The following FANCM variants were observed in gnomAD, a reference collection of about 807,000 sequenced individuals.
The protein encoded by FANCM is Fanconi anemia group M protein.
Under a neutral mutation model 199.5 loss-of-function variants are expected in FANCM, and 140 were observed. The observed-to-expected ratio is 0.70, with a 90% CI of 0.61 to 0.81. FANCM has a LOEUF of 0.81. Among genes scored for constraint, FANCM ranks in the 30% least tolerant of loss-of-function variants. The probability of loss-of-function intolerance (pLI) is 0.00; values close to 1 mark genes in which losing one functional copy is unlikely to be tolerated. For missense variants in FANCM, 2,410 were observed against 2,421.4 expected, an observed-to-expected ratio of 1.00 and a Z score of 0.10; for synonymous variants, 840 against 836.8, an observed-to-expected ratio of 1.00 and a Z score of -0.07.
intron 20 of FANCM, chr14:45,195,529 A>G: frequency 2.2e-6 from 1 of 456,642 alleles, no homozygotes; most frequent in Non-Finnish European, 4.4e-6. Context: ...TGCCTCTGCA[A>G]AAAGAGGAGC....
intron 20 of FANCM, among the ~76,000 whole-genome samples, chr14:45,192,795 C>T (rs1889845586): frequency 6.6e-6 from 1 of 151,766 alleles, no homozygotes; most frequent in Non-Finnish European, 1.5e-5. Context: ...TGCCACTGCA[C>T]TTCAGCCTGG....
Position 45,136,528 on chromosome 14 carries a change from C to A in FANCM, c.497C>A (p.Ala166Asp), listed in dbSNP as rs555879731. 1.2e-5 allele frequency: 19 copies of A among 1,613,704 alleles called. No homozygotes were observed. The highest frequency in any genetic ancestry group is 1.6e-5 in the Non-Finnish European group (19 of 1,179,988). Residue 166 changes from alanine to aspartate, a missense_variant, in exon 1 of 23, where the codon GCC (alanine) becomes GAC (aspartate). Transcript: ENST00000267430. ...QVMGIPQSHMAEMTGSTQAST... is the reference protein window; with the variant it reads ...QVMGIPQSHMDEMTGSTQAST... ...ATGGGTATCCCGCAATCCCACATGG[C>A]CGAAATGACAGGTATCTTAGACTGG...
intron 3 of FANCM, among the ~76,000 whole-genome samples, chr14:45,148,063 G>A (rs568093022): frequency 6.6e-6 from 1 of 152,142 alleles, no homozygotes; most frequent in East Asian, 1.9e-4. Context: ...TGGGTGTAGT[G>A]GCAGGCGCCT....
At chr14:45,166,836 G>A in intron 10 of FANCM, 114 bp from the exon 11 acceptor site, 1 of 690,630 alleles carries the variant, frequency 1.4e-6, no homozygotes. Context: ...GTATTTAAGT[G>A]GATCGGGGTT....
At position 45,181,702 on chromosome 14, in the gene FANCM, C is replaced by A; in HGVS notation, c.4383C>A (p.Asn1461Lys). ...TCAAAAAGCGCAGATTTCCTATAAA[C>A]AGAGTAAGTAAATACCAGGTAATGT... ...HAVKKRRFPI[N>K]RSELSSSDES... is the part of the protein sequence containing the mutation. Residue 1461 changes from asparagine to lysine, a missense_variant, in exon 16 of 23, where the codon AAC becomes AAA. Transcript: ENST00000267430. The A allele has an allele frequency of 6.3e-7, 1 of 1,598,306 alleles. No homozygotes were observed. Among genetic ancestry groups the A allele is most frequent in the Non-Finnish European group, 8.6e-7 (1 of 1,166,814 alleles).
intron 7 of FANCM, among the ~76,000 whole-genome samples, chr14:45,155,169 C>G (rs995366711): frequency 1.4e-4 from 21 of 151,900 alleles, no homozygotes; most frequent in Non-Finnish European, 4.4e-5. Flanking sequence ...TTTAGGTTCT[C>G]TCAGAATGAA....
intron 12 of FANCM, 82 bp from the exon 13 acceptor site, chr14:45,172,973 A>G (rs1273406901): frequency 1.0e-6 from 1 of 977,116 alleles, no homozygotes; most frequent in Non-Finnish European, 1.6e-6. Context: ...AGCTGATTAT[A>G]TGTATATTGA....
intron 12 of FANCM, among the ~76,000 whole-genome samples, chr14:45,171,613 A>G (rs573632409): frequency 6.6e-6 from 1 of 152,228 alleles, no homozygotes; most frequent in Admixed American, 6.5e-5. Flanking sequence ...CACTTAGAAT[A>G]ATAGTCTCCA....
At chr14:45,151,675 A>G in intron 5 of FANCM, 147 bp downstream of exon 5, 1 of 765,076 alleles carries the variant, frequency 1.3e-6, no homozygotes, top group Non-Finnish European at 2.2e-6. Flanking sequence ...CTGTAATCCT[A>G]ACAGTTTGGG....
intron 18 of FANCM, among the ~76,000 whole-genome samples, chr14:45,186,333 A>G (rs1594811799): frequency 1.3e-5 from 2 of 152,358 alleles, no homozygotes; most frequent in East Asian, 1.9e-4. Flanking sequence ...TAAATTTGCC[A>G]TGTAAGGGCA....
rs372276411 is a variant in FANCM at position 45,176,382 on chromosome 14, C to G, written c.3628C>G (p.Gln1210Glu). The change falls in exon 14 of 23, where the codon CAG (glutamine) becomes GAG (glutamate). Residue 1210 changes from glutamine to glutamate, a missense_variant. Physicochemically the swap from Gln to Glu is conservative, Grantham distance 29. Transcript: ENST00000267430. ...TAAATCTCGTGATCAGAGAGGTGTA[C>G]AGGAAGAAAAAGTGAAGAATCATGA... ...SFKSRDQRGV[Q>E]EEKVKNHEDI... 5.0e-6 allele frequency: 8 copies of G among 1,612,578 alleles called. No homozygotes were observed. In the African/African-American group the frequency reaches 1.1e-4, roughly 22 times the overall value.
In FANCM at chr14:45,175,139, T is replaced by G. The variant is rs769468991; in HGVS notation, c.2385T>G (p.Ile795Met). ...TGGAAGATGTTACCTCAACATTTAT[T>G]GCTCCCAGGAATGAATCTAATAATC... ...LQMEDVTSTF[I>M]APRNESNNLA... The change falls in exon 14 of 23, where the codon ATT (isoleucine) becomes ATG (methionine). Residue 795 changes from isoleucine to methionine, a missense_variant. Ile to Met is a conservative substitution (Grantham distance 10, BLOSUM62 1). Coordinates refer to ENST00000267430, the MANE Select transcript of FANCM (RefSeq NM_020937.4). The G allele has an allele frequency of 1.4e-5, 23 of 1,612,116 alleles. No individual in the cohort carries two copies. The Admixed American group carries it at 3.8e-4, about 27-fold the overall frequency.
At chr14:45,152,508 T>C (rs909185239) in intron 5 of FANCM, among the ~76,000 whole-genome samples, 4 of 152,144 alleles carry the variant, frequency 2.6e-5, no homozygotes, top group East Asian at 1.9e-4. Context: ...CTAACCTGCA[T>C]TGGAAAAAAA....
At chr14:45,159,588 C>T (rs1887443083) in intron 9 of FANCM, among the ~76,000 whole-genome samples, 1 of 151,942 alleles carries the variant, frequency 6.6e-6, no homozygotes, top group Non-Finnish European at 1.5e-5. Flanking sequence ...CTCAGTTTTC[C>T]TTATCTGTAA....
At chr14:45,164,613 T>C (rs1887837269) in intron 10 of FANCM, 48 bp downstream of exon 10, 1 of 1,389,760 alleles carries the variant, frequency 7.2e-7, no homozygotes, top group East Asian at 2.4e-5. Context: ...ATTTGAGAAA[T>C]ACAGCCCAAA....
intron 9 of FANCM, among the ~76,000 whole-genome samples, chr14:45,163,741 C>T (rs538258434): frequency 4.6e-5 from 7 of 152,244 alleles, no homozygotes; most frequent in African/African-American, 1.7e-4. Flanking sequence ...ATTTCCCTGC[C>T]CTATTCCCCT....
intron 6 of FANCM, 58 bp downstream of exon 6, chr14:45,154,110 A>G: frequency 2.3e-6 from 3 of 1,315,310 alleles, no homozygotes; most frequent in South Asian, 1.2e-5. Context: ...GGCTAAAGAC[A>G]TATTGAAGGG....
intron 3 of FANCM, among the ~76,000 whole-genome samples, chr14:45,148,230 CACACAA>C (rs1313614755): frequency 1.3e-5 from 2 of 151,634 alleles, no homozygotes; most frequent in African/African-American, 4.8e-5. Context: ...CACACACACA[CACACAA>C]AACAACTTTT....
chr14:45,147,165 G>A (rs112479930), intron 3 of FANCM, among the ~76,000 whole-genome samples: 211 of 152,186 alleles, frequency 1.4e-3, no homozygotes, highest in Non-Finnish European at 2.3e-3. Flanking sequence ...TTTTGAATAC[G>A]TATAGGCCGC....
Sources: allele counts gnomAD v4.1 joint callset (sites outside exome capture counted in the v4.1 genomes callset), GRCh38; gene constraint gnomAD v4.1.1; transcripts MANE v1.5; gene names NCBI Gene and HGNC (gene_info 2026-07-23, HGNC 2026-07-21).